Variants in EHHADH observed in about 807,000 individuals in gnomAD.
EHHADH encodes the protein peroxisomal bifunctional enzyme.
A neutral mutation model predicts 64.4 loss-of-function variants in EHHADH; 48 were observed. That is an observed-to-expected ratio of 0.75 (90% CI 0.59 to 0.95). The LOEUF (loss-of-function observed/expected upper bound fraction) is 0.95. Ranked by LOEUF, EHHADH falls within the 40% of genes least tolerant of loss-of-function variation. The pLI, the probability that EHHADH is intolerant of heterozygous loss-of-function variation, is 0.00. For missense variants in EHHADH, 854 were observed against 876.6 expected (o/e 0.97, Z 0.33); for synonymous variants, 308 against 326.7 (o/e 0.94, Z 0.62).
At position 185,223,922 on chromosome 3, in the gene EHHADH, G is replaced by C. The variant is rs146236601; in HGVS notation, c.463+5510C>G. The stretch of plus-strand genomic sequence containing the variant: ...AGCGAACGAACTGCAATATGATCAG[G>C]CATATCCTTTGTGGTTACTGCTAAA... On this transcript the variant is annotated intron_variant, in intron 4 of 6. Transcript: ENST00000231887. 3.3e-3 allele frequency among the ~76,000 whole-genome samples: 497 copies of C among 152,288 alleles called. 5 individuals carry two copies. The highest frequency in any genetic ancestry group is 0.011 in the African/African-American group (463 of 41,562).
At chr3:185,193,891 TA>T (rs1717986072) in intron 6 of EHHADH, among the ~76,000 whole-genome samples, 1 of 152,138 alleles carries the variant, frequency 6.6e-6, no homozygotes, top group African/African-American at 2.4e-5. Context: ...ATTTGTACAC[TA>T]AAAAGTACAA....
intron 6 of EHHADH, among the ~76,000 whole-genome samples, chr3:185,200,445 G>A (rs1718192107): frequency 6.6e-6 from 1 of 152,136 alleles, no homozygotes; most frequent in African/African-American, 2.4e-5. Context: ...AGGTTGAACA[G>A]CTCTCACTTC....
rs553440403 is a variant in EHHADH at position 185,194,724 on chromosome 3, C to T, written c.911-1237G>A. 2.9e-5 allele frequency among the ~76,000 whole-genome samples: 4 copies of T among 136,730 alleles called. No individual in the cohort carries two copies. The South Asian group carries it at 9.4e-4, about 32-fold the overall frequency. 89.7% of individuals were successfully genotyped at this position (136,730 alleles called of 152,430 possible). On this transcript the variant is annotated intron_variant, in intron 6 of 6. Transcript: ENST00000231887. The stretch of plus-strand genomic sequence containing the variant: ...CTGAAGCAGGAGGATATCTTGAGCC[C>T]AGGAGTTTGAGGATTGCAGTGAGCT...
intron 6 of EHHADH, among the ~76,000 whole-genome samples, chr3:185,194,423 A>G: frequency 6.6e-6 from 1 of 151,956 alleles, no homozygotes; most frequent in South Asian, 2.1e-4. Context: ...GACCAGCCTG[A>G]CCAACATGGA....
Position 185,199,375 on chromosome 3 carries a change from G to T in EHHADH, c.910+5041C>A, listed in dbSNP as rs548082517. Among the ~76,000 whole-genome samples, 3 of 152,292 alleles carry T rather than the reference G, an allele frequency of 2.0e-5. No individual in the cohort carries two copies. In the East Asian group the frequency reaches 5.8e-4, roughly 29 times the overall value. ...GGGCCTGTGAGTAACTGTGGTCAAT[G>T]AAATACGATGGTGGTGATTGGGGGA... is the stretch of plus-strand genomic sequence containing the variant. On this transcript the variant is annotated intron_variant, in intron 6 of 6. Coordinates refer to ENST00000231887, the MANE Select transcript of EHHADH (RefSeq NM_001966.4).
At chr3:185,253,900 C>CG in intron 1 of EHHADH, 49 bp downstream of exon 1, 1 of 1,604,228 alleles carries the variant, frequency 6.2e-7, no homozygotes, top group South Asian at 1.1e-5. Context: ...AGCCAGAGGG[C>CG]GGCTAAGGCC....
chr3:185,193,052 T>C lies in EHHADH; in HGVS notation c.1346A>G (p.Gln449Arg), dbSNP rs747239137. 6.2e-7 allele frequency: 1 copy of C among 1,614,200 alleles called. No individual in the cohort carries two copies. Among genetic ancestry groups the C allele is most frequent in the Non-Finnish European group, 8.5e-7 (1 of 1,180,042 alleles). Residue 449 changes from glutamine (Q) to arginine (R), a missense_variant, in exon 7 of 7, where the codon CAA becomes CGA. Coordinates refer to ENST00000231887, the MANE Select transcript of EHHADH (RefSeq NM_001966.4). The part of the protein sequence containing the change: ...VMKLLEVIPS[Q>R]YSSPTTIATV... ...GGCAATGGTAGTGGGGGAAGAGTATTGGCTGGGAATAACCTCTAACAACTT... is the reference window on the plus strand; with the variant it reads ...GGCAATGGTAGTGGGGGAAGAGTATCGGCTGGGAATAACCTCTAACAACTT...
intron 1 of EHHADH, among the ~76,000 whole-genome samples, chr3:185,252,832 G>T (rs1477571864): frequency 6.6e-6 from 1 of 152,072 alleles, no homozygotes; most frequent in African/African-American, 2.4e-5. Flanking sequence ...TTTGACCAAA[G>T]ACCTTTCTCT....
chr3:185,221,575 T>TC (rs1179790590), intron 4 of EHHADH, among the ~76,000 whole-genome samples: 16 of 71,130 alleles, frequency 2.2e-4, no homozygotes, highest in Admixed American at 7.9e-4. Flanking sequence ...ATATTTTTTT[T>TC]TCTTTTTTTT....
intron 6 of EHHADH, among the ~76,000 whole-genome samples, chr3:185,198,717 C>T (rs1049223332): frequency 6.6e-6 from 1 of 151,968 alleles, no homozygotes; most frequent in Non-Finnish European, 1.5e-5. Flanking sequence ...GGCATAGTGG[C>T]ACATGCCTAT....
intron 2 of EHHADH, among the ~76,000 whole-genome samples, chr3:185,237,146 G>A (rs914622316): frequency 6.6e-6 from 1 of 152,176 alleles, no homozygotes; most frequent in African/African-American, 2.4e-5. Context: ...AGCACAAACA[G>A]TGTAGTGATT....
At chr3:185,214,685 T>C (rs1322850996) in intron 5 of EHHADH, among the ~76,000 whole-genome samples, 1 of 152,234 alleles carries the variant, frequency 6.6e-6, no homozygotes, top group African/African-American at 2.4e-5. Flanking sequence ...TCTACCTGGC[T>C]GTTTTCTTCT....
At position 185,248,429 on chromosome 3, in the gene EHHADH, C is replaced by T; in HGVS notation, c.163G>A (p.Gly55Ser). ...CTTGAGTTACCTGCAGAAAATTTGCCCTCTGCTCCACAAATCACAATGGCT... is the reference window on the plus strand; with the variant it reads ...CTTGAGTTACCTGCAGAAAATTTGCTCTCTGCTCCACAAATCACAATGGCT... Reference protein sequence around the residue: ...IKAIVICGAEGKFSAGADIRG... With the variant: ...IKAIVICGAESKFSAGADIRG... The change falls in exon 2 of 7, where the codon GGC becomes AGC. Residue 55 changes from glycine to serine, a missense_variant. Coordinates refer to ENST00000231887, the MANE Select transcript of EHHADH (RefSeq NM_001966.4). 6.2e-7 allele frequency: 1 copy of T among 1,613,840 alleles called. No individual in the cohort carries two copies. The highest frequency in any genetic ancestry group is 8.5e-7 in the Non-Finnish European group (1 of 1,179,738).
At chr3:185,236,384 T>TG (rs1719296599) in intron 2 of EHHADH, among the ~76,000 whole-genome samples, 2 of 32,456 alleles carry the variant, frequency 6.2e-5, no homozygotes, top group Non-Finnish European at 1.2e-4. Context: ...CTCCCAGGCC[T>TG]GCACCCCCAC....
intron 6 of EHHADH, among the ~76,000 whole-genome samples, chr3:185,197,784 TG>T (rs1718105019): frequency 3.3e-5 from 5 of 152,208 alleles, no homozygotes; most frequent in Admixed American, 3.3e-4. Context: ...TTTGAGTCCC[TG>T]CTTTCAATTC....
intron 6 of EHHADH, among the ~76,000 whole-genome samples, chr3:185,202,853 G>T (rs1292183813): frequency 1.3e-5 from 2 of 152,102 alleles, no homozygotes; most frequent in African/African-American, 4.8e-5. Context: ...GTGCTAGACA[G>T]CTGGGCAAGG....
chr3:185,234,288 A>G (rs896673701), intron 3 of EHHADH, among the ~76,000 whole-genome samples: 25 of 152,192 alleles, frequency 1.6e-4, no homozygotes, highest in African/African-American at 5.5e-4. Flanking sequence ...GCTATTTTCC[A>G]ATAGAAATTT....
At chr3:185,249,420 G>A (rs1719685204) in intron 1 of EHHADH, among the ~76,000 whole-genome samples, 3 of 152,106 alleles carry the variant, frequency 2.0e-5, no homozygotes, top group Admixed American at 6.5e-5. Flanking sequence ...GAGCCACCGC[G>A]CCCAGCCTGG....
intron 4 of EHHADH, among the ~76,000 whole-genome samples, chr3:185,228,257 A>AAAAAACAAATAT (rs1367786172): frequency 4.5e-5 from 1 of 21,994 alleles, no homozygotes; most frequent in African/African-American, 1.2e-4. Context: ...AAAAAAAAAA[A>AAAAAACAAATAT]ATATATATAT....
Sources: allele counts gnomAD v4.1 joint callset (sites outside exome capture counted in the v4.1 genomes callset), GRCh38; gene constraint gnomAD v4.1.1; transcripts MANE v1.5; gene names NCBI Gene and HGNC (gene_info 2026-07-23, HGNC 2026-07-21).